Variants in ARID5B observed in about 807,000 individuals in gnomAD.
ARID5B encodes the protein AT-rich interactive domain-containing protein 5B.
ARID5B carries 13 observed loss-of-function variants against 97.2 expected under a neutral mutation model. The ratio of observed to expected loss-of-function variants is 0.13; its 90% CI spans 0.09 to 0.21. ARID5B has a LOEUF of 0.21. Among genes scored for constraint, ARID5B ranks in the 10% least tolerant of loss-of-function variants. ARID5B has a pLI of 1.00. For missense variants in ARID5B, 1,210 were observed against 1,465.3 expected, an observed-to-expected ratio of 0.83 and a Z score of 2.84; for synonymous variants, 556 against 570.3, an observed-to-expected ratio of 0.97 and a Z score of 0.36.
At chr10:62,064,655 T>C (rs1839962845) in intron 7 of ARID5B, among the ~76,000 whole-genome samples, 1 of 152,030 alleles carries the variant, frequency 6.6e-6, no homozygotes, top group African/African-American at 2.4e-5. Context: ...ATTTTTCCAC[T>C]CACCAGACCA....
chr10:62,050,957 T>G lies in ARID5B; in HGVS notation c.803T>G (p.Val268Gly). The G allele has an allele frequency of 1.2e-6, 2 of 1,614,218 alleles. No individual in the cohort carries two copies. Among genetic ancestry groups the G allele is most frequent in the Non-Finnish European group, 1.7e-6 (2 of 1,180,014 alleles). Residue 268 changes from valine (V) to glycine (G), a missense_variant, in exon 5 of 10, where the codon GTT (valine) becomes GGT (glycine). Val to Gly is a moderately radical substitution (Grantham distance 109). Transcript: ENST00000279873. Reference protein sequence around the residue: ...CPQRRDSFSGVKDSNNNSDGK... With the variant: ...CPQRRDSFSGGKDSNNNSDGK... ...CAAAGAAGAGATTCATTCAGTGGTG[T>G]TAAGGATTCCAACAACAATTCCGAT...
intron 3 of ARID5B, among the ~76,000 whole-genome samples, chr10:61,949,442 GC>G (rs1838292085): frequency 6.6e-6 from 1 of 152,164 alleles, no homozygotes; most frequent in South Asian, 2.1e-4. Flanking sequence ...TTTGAGACCA[GC>G]CTGATCAACA....
intron 3 of ARID5B, among the ~76,000 whole-genome samples, chr10:61,972,559 C>G (rs1295411015): frequency 1.3e-5 from 2 of 152,134 alleles, no homozygotes; most frequent in Non-Finnish European, 2.9e-5. Flanking sequence ...ACTTAATATG[C>G]TCTTTCACAC....
chr10:61,974,353 G>T (rs1838670862), intron 3 of ARID5B, among the ~76,000 whole-genome samples: 1 of 152,054 alleles, frequency 6.6e-6, no homozygotes, highest in Non-Finnish European at 1.5e-5. Flanking sequence ...AACTTGATTT[G>T]CTGCTATGGT....
chr10:62,069,103 G>A (rs1455918863), intron 7 of ARID5B, among the ~76,000 whole-genome samples: 2 of 152,114 alleles, frequency 1.3e-5, no homozygotes, highest in Non-Finnish European at 2.9e-5. Context: ...TAGAGAAGCT[G>A]GCATAAAAAT....
intron 2 of ARID5B, among the ~76,000 whole-genome samples, chr10:61,915,580 C>A (rs1476301664): frequency 6.6e-6 from 1 of 152,096 alleles, no homozygotes; most frequent in Non-Finnish European, 1.5e-5. Context: ...TTAGAGATGT[C>A]CGTTTGCCCA....
chr10:62,081,799 G>C (rs1840217094), intron 8 of ARID5B, among the ~76,000 whole-genome samples: 2 of 152,178 alleles, frequency 1.3e-5, no homozygotes, highest in South Asian at 2.1e-4. Context: ...GAAATGTATT[G>C]AATTTTTCAT....
At chr10:62,075,184 G>T (rs1273477202) in intron 8 of ARID5B, among the ~76,000 whole-genome samples, 1 of 152,246 alleles carries the variant, frequency 6.6e-6, no homozygotes, top group Non-Finnish European at 1.5e-5. Context: ...GGGCCAGAGA[G>T]CCCAAAGGGA....
At chr10:61,912,045 A>ACTTG (rs1843814382) in intron 2 of ARID5B, among the ~76,000 whole-genome samples, 1 of 152,232 alleles carries the variant, frequency 6.6e-6, no homozygotes, top group East Asian at 1.9e-4. Flanking sequence ...GACCCAGGAT[A>ACTTG]CTTGCTTGGT....
Position 62,079,167 on chromosome 10 carries a change from C to G in ARID5B, c.1200-6535C>G, listed in dbSNP as rs185214225. On this transcript the variant is annotated intron_variant, in intron 8 of 9. Coordinates refer to ENST00000279873, the MANE Select transcript of ARID5B (RefSeq NM_032199.3). ...AGGCAGGAGTGATCTTTCAGTATCT[C>G]CTCCGTGTTGGTATGTCTCCGTGTT... 1.3e-4 allele frequency among the ~76,000 whole-genome samples: 20 copies of G among 152,272 alleles called. No individual in the cohort carries two copies. In the East Asian group the frequency reaches 3.9e-3, roughly 29 times the overall value.
chr10:62,078,323 T>A (rs1564645729), intron 8 of ARID5B, among the ~76,000 whole-genome samples: 1 of 152,154 alleles, frequency 6.6e-6, no homozygotes, highest in Non-Finnish European at 1.5e-5. Context: ...ACCCTATCTC[T>A]ACTAAAAATA....
rs544628653 is a variant in ARID5B, at chr10:62,010,149, T to C, written c.733+9828T>C. 3.7e-4 allele frequency among the ~76,000 whole-genome samples: 56 copies of C among 152,308 alleles called. No individual in the cohort carries two copies. In the South Asian group the frequency reaches 0.01, roughly 28 times the overall value. On this transcript the variant is annotated intron_variant, in intron 4 of 9. Coordinates refer to ENST00000279873, the MANE Select transcript of ARID5B (RefSeq NM_032199.3). Reference sequence around the variant, plus strand: ...AAAAATCAACTTGTTTCTTATTAAATTGGATCCTTCCCTTGGGCCTATGAG... The same window carrying C: ...AAAAATCAACTTGTTTCTTATTAAACTGGATCCTTCCCTTGGGCCTATGAG...
rs562636516 is a variant in ARID5B at position 62,089,490 on chromosome 10, T to TCTTC, written c.1399-1358_1399-1355dup. ...GCCTGCCTGCCTTCCTTCCTTCCTT[T>TCTTC]CTTCCTTCCTTCCTTCCCTCCCTCC... is the stretch of plus-strand genomic sequence containing the variant. On this transcript the variant is annotated intron_variant, in intron 9 of 9. Coordinates refer to ENST00000279873, the MANE Select transcript of ARID5B (RefSeq NM_032199.3). Among the ~76,000 whole-genome samples the TCTTC allele has an allele frequency of 1.0e-4, 15 of 149,900 alleles. 1 individual carries two copies. The highest frequency in any genetic ancestry group is 2.4e-4 in the African/African-American group (10 of 40,880).
At chr10:62,050,496 C>T (rs1235295066) in intron 4 of ARID5B, among the ~76,000 whole-genome samples, 2 of 152,186 alleles carry the variant, frequency 1.3e-5, no homozygotes, top group Admixed American at 1.3e-4. Flanking sequence ...AGGCATGTCA[C>T]TTAGGTTTCG....
chr10:62,031,460 C>T (rs1227816667), intron 4 of ARID5B, among the ~76,000 whole-genome samples: 1 of 152,182 alleles, frequency 6.6e-6, no homozygotes, highest in Non-Finnish European at 1.5e-5. Context: ...GATTATAACA[C>T]CTTCTTTGGT....
intron 2 of ARID5B, among the ~76,000 whole-genome samples, chr10:61,930,486 C>T (rs531361527): frequency 1.1e-4 from 16 of 151,962 alleles, no homozygotes; most frequent in South Asian, 6.2e-4. Flanking sequence ...TTTGGGAGGG[C>T]GAGGCGGGCG....
At chr10:61,905,445 G>GT (rs71022103) in intron 2 of ARID5B, among the ~76,000 whole-genome samples, 28,909 of 143,306 alleles carry the variant, frequency 0.2, 2,847 homozygotes, top group African/African-American at 0.21. Context: ...TTTGCAGAGG[G>GT]TTTTTTTTTT....
Position 61,922,467 on chromosome 10 carries a change from G to A in ARID5B, c.277-17716G>A, listed in dbSNP as rs576418106. Among the ~76,000 whole-genome samples the A allele has an allele frequency of 2.6e-5, 4 of 151,838 alleles. No homozygotes were observed. In the South Asian group the frequency reaches 8.3e-4, roughly 32 times the overall value. On this transcript the variant is annotated intron_variant, in intron 2 of 9. Coordinates refer to ENST00000279873, the MANE Select transcript of ARID5B (RefSeq NM_032199.3). ...AAAATACAAAAATTAGCTGGGCGTG[G>A]TGGCACATGCTTGTAGTCCCAGCTA...
intron 7 of ARID5B, among the ~76,000 whole-genome samples, chr10:62,067,309 C>A (rs1279434200): frequency 6.6e-6 from 1 of 152,150 alleles, no homozygotes; most frequent in East Asian, 1.9e-4. Flanking sequence ...TCTTGAACTC[C>A]CAACCTCAGG....
Sources: gnomAD v4.1 joint callset for allele counts (sites outside exome capture counted in the v4.1 genomes callset) on GRCh38, gnomAD v4.1.1 for gene constraint, MANE v1.5 for transcripts, NCBI Gene and HGNC (gene_info 2026-07-23, HGNC 2026-07-21) for gene names.